The following CEP128 variants were observed in gnomAD, a reference collection of about 807,000 sequenced individuals.
The protein encoded by CEP128 is centrosomal protein 128, also known as centrosomal protein 128kDa.
In CEP128, 132 loss-of-function variants were observed where a neutral mutation model predicts 156.7. The observed-to-expected ratio is 0.84, with a 90% CI of 0.73 to 0.97. The LOEUF (loss-of-function observed/expected upper bound fraction) is 0.97, where lower values mean the gene tolerates loss of function less well. CEP128 is among the 50% of genes least tolerant of loss of function. CEP128 has a pLI of 0.00. For synonymous variants in CEP128, 469 were observed against 448.9 expected (o/e 1.04, Z -0.57); for missense variants, 1,252 against 1,281.9 (o/e 0.98, Z 0.36).
At chr14:80,943,521 A>T (rs1412110556), upstream of CEP128, among the ~76,000 whole-genome samples, 1 of 152,248 alleles carries the variant, frequency 6.6e-6, no homozygotes, top group Non-Finnish European at 1.5e-5. Flanking sequence ...CTTATTTTTC[A>T]AAGTGATATT....
chr14:80,530,701 G>A lies in CEP128; in HGVS notation c.2958+108C>T, dbSNP rs1705349484. 7.8e-6 allele frequency: 5 copies of A among 637,730 alleles called. No individual in the cohort carries two copies. In the South Asian group the frequency reaches 1.6e-4, roughly 20 times the overall value. The allele number at this position is 637,730 out of a possible 1,614,324, so 39.5% of individuals were successfully genotyped here. ...AGGTGGTATGTTAAAAGTTCCCAATGTTTTTTGGTCCTTCTTCCTTTTCTA... is the reference window on the plus strand; with the variant it reads ...AGGTGGTATGTTAAAAGTTCCCAATATTTTTTGGTCCTTCTTCCTTTTCTA... On this transcript the variant is annotated intron_variant, in intron 22 of 24. Coordinates refer to ENST00000555265, the MANE Select transcript of CEP128 (RefSeq NM_152446.5).
At chr14:80,681,046 C>T (rs923815834) in intron 19 of CEP128, among the ~76,000 whole-genome samples, 5 of 151,912 alleles carry the variant, frequency 3.3e-5, no homozygotes, top group South Asian at 2.1e-4. Flanking sequence ...TGGCTATAGT[C>T]GGCTCTTGCT....
intron 19 of CEP128, among the ~76,000 whole-genome samples, chr14:80,666,195 T>C (rs1366125706): frequency 6.6e-6 from 1 of 152,036 alleles, no homozygotes. Flanking sequence ...AATAAAACAA[T>C]AGTATGAAAA....
At chr14:80,955,609 G>T (rs1566735157) in intron 2 of CEP128, 18 of 1,594,878 alleles carry the variant, frequency 1.1e-5, no homozygotes, top group Middle Eastern at 4.4e-4. Flanking sequence ...TTGGCCTGGG[G>T]TAACCCGAGG....
chr14:80,521,091 T>C lies in CEP128; in HGVS notation c.3072+5778A>G, dbSNP rs143849319. Among the ~76,000 whole-genome samples, 367 of 142,692 alleles carry C rather than the reference T, an allele frequency of 2.6e-3. 1 individual carries two copies. Among genetic ancestry groups the C allele is most frequent in the African/African-American group, 9.3e-3 (360 of 38,782 alleles). The allele number at this position is 142,692 out of a possible 152,430, so 93.6% of individuals were successfully genotyped here. ...CTCCTGACCTCATGATCCACCCACC[T>C]CAGCCTCCAAGAGCTGGGATTACAG... On this transcript the variant is annotated intron_variant, in intron 23 of 24. Coordinates refer to ENST00000555265, the MANE Select transcript of CEP128 (RefSeq NM_152446.5).
intron 18 of CEP128, among the ~76,000 whole-genome samples, chr14:80,746,022 T>C (rs1899082340): frequency 6.6e-6 from 1 of 152,044 alleles, no homozygotes; most frequent in South Asian, 2.1e-4. Flanking sequence ...ACAAATGAAG[T>C]CTTTAGTGAT....
chr14:80,598,085 G>A (rs1211299651), intron 19 of CEP128, among the ~76,000 whole-genome samples: 1 of 151,252 alleles, frequency 6.6e-6, no homozygotes, highest in African/African-American at 2.4e-5. Flanking sequence ...TCATAGTACA[G>A]GAAGTTCTAT....
At chr14:80,828,395 T>A (rs1041668486) in intron 13 of CEP128, among the ~76,000 whole-genome samples, 3 of 152,174 alleles carry the variant, frequency 2.0e-5, no homozygotes, top group African/African-American at 7.2e-5. Context: ...AGTGCTGGGA[T>A]TACAGGCGTG....
At chr14:80,537,986 T>C (rs1052056640) in intron 21 of CEP128, among the ~76,000 whole-genome samples, 2 of 152,188 alleles carry the variant, frequency 1.3e-5, no homozygotes, top group African/African-American at 4.8e-5. Context: ...ATTTGCAAAA[T>C]GGGGATCAAT....
intron 20 of CEP128, among the ~76,000 whole-genome samples, chr14:80,574,227 T>C (rs529395550): frequency 1.4e-4 from 22 of 152,300 alleles, no homozygotes; most frequent in Non-Finnish European, 3.1e-4. Context: ...AATGAATTGC[T>C]TCAGTTCTTT....
At chr14:80,942,631 G>T (rs1011979548), upstream of CEP128, among the ~76,000 whole-genome samples, 1 of 152,080 alleles carries the variant, frequency 6.6e-6, no homozygotes, top group African/African-American at 2.4e-5. Flanking sequence ...TAATAACAAG[G>T]GTTCCTTAAT....
Position 80,785,440 on chromosome 14 carries a change from G to A in CEP128, c.1666C>T (p.Gln556Ter). ...LNDVLTKRAL[Q>*]EEELHSKEEK... ...TCCTTGGAGTGAAGCTCCTCCTCCT[G>A]AAGGGCACGCTTTGTTAGGACATCA... Residue 556 changes from glutamine (Q) to a stop codon, truncating the protein, a stop_gained, in exon 15 of 25, where the codon CAG becomes TAG. Transcript: ENST00000555265. LOFTEE classifies it high-confidence loss of function. 7.4e-6 allele frequency: 12 copies of A among 1,613,922 alleles called. No individual in the cohort carries two copies. The highest frequency in any genetic ancestry group is 1.0e-5 in the Non-Finnish European group (12 of 1,179,936).
chr14:80,854,577 T>A (rs1887053688), intron 9 of CEP128, among the ~76,000 whole-genome samples: 1 of 151,962 alleles, frequency 6.6e-6, no homozygotes, highest in African/African-American at 2.4e-5. Flanking sequence ...TGGTTCATGA[T>A]GAAAGAACAG....
intron 23 of CEP128, among the ~76,000 whole-genome samples, chr14:80,511,679 C>T (rs1888265275): frequency 6.6e-6 from 1 of 151,714 alleles, no homozygotes; most frequent in Admixed American, 6.6e-5. Context: ...AGATGCATCA[C>T]TCAGTTTTTT....
intron 23 of CEP128, among the ~76,000 whole-genome samples, chr14:80,512,826 A>G (rs1444876352): frequency 1.3e-5 from 2 of 152,118 alleles, no homozygotes; most frequent in African/African-American, 4.8e-5. Context: ...AAGAACAAGC[A>G]AACTAACAAA....
At chr14:80,869,365 T>C (rs1356482039) in intron 8 of CEP128, among the ~76,000 whole-genome samples, 2 of 151,830 alleles carry the variant, frequency 1.3e-5, no homozygotes, top group African/African-American at 4.8e-5. Context: ...ATGGGTCAAA[T>C]AAAAAATTTA....
At chr14:80,751,223 T>C (rs189733317) in intron 18 of CEP128, among the ~76,000 whole-genome samples, 116 of 152,370 alleles carry the variant, frequency 7.6e-4, no homozygotes, top group African/African-American at 2.7e-3. Flanking sequence ...CAGTCTATTC[T>C]TACGAAGACT....
intron 20 of CEP128, among the ~76,000 whole-genome samples, chr14:80,565,692 T>C (rs1411072417): frequency 6.6e-6 from 1 of 152,196 alleles, no homozygotes; most frequent in East Asian, 1.9e-4. Context: ...CAAATATTTG[T>C]AGGCTGTTAG....
intron 19 of CEP128, among the ~76,000 whole-genome samples, chr14:80,589,882 G>C (rs972844024): frequency 6.6e-6 from 1 of 152,052 alleles, no homozygotes; most frequent in East Asian, 1.9e-4. Flanking sequence ...CATGCAATAT[G>C]ATGTCATTTA....
Sources: allele counts gnomAD v4.1 joint callset (sites outside exome capture counted in the v4.1 genomes callset), GRCh38; gene constraint gnomAD v4.1.1; transcripts MANE v1.5; gene names NCBI Gene and HGNC (gene_info 2026-07-23, HGNC 2026-07-21).